The following SCARB1 variants were observed in gnomAD, a reference collection of about 807,000 sequenced individuals.
The protein encoded by SCARB1 is scavenger receptor class B member 1.
In SCARB1, 30 loss-of-function variants were observed where a neutral mutation model predicts 57.2. The observed-to-expected ratio is 0.52, with a 90% confidence interval of 0.39 to 0.71. SCARB1 has a LOEUF of 0.71. SCARB1 is among the 30% of genes least tolerant of loss of function. The probability of loss-of-function intolerance (pLI) is 0.00; values close to 1 mark genes in which losing one functional copy is unlikely to be tolerated. For synonymous variants in SCARB1, 249 were observed against 268.3 expected (o/e 0.93, Z 0.70); for missense variants, 543 against 671.2 (o/e 0.81, Z 2.11).
chr12:124,793,726 G>T (rs547762979), intron 9 of SCARB1, among the ~76,000 whole-genome samples: 3 of 151,852 alleles, frequency 2.0e-5, no homozygotes, highest in Non-Finnish European at 4.4e-5. Flanking sequence ...AATGGGGATG[G>T]GGGGCAGAGG....
intron 12 of SCARB1, among the ~76,000 whole-genome samples, chr12:124,782,146 T>A (rs1342446290): frequency 6.6e-6 from 1 of 152,182 alleles, no homozygotes; most frequent in Non-Finnish European, 1.5e-5. Context: ...TGACCTCAAA[T>A]GATCCACCTG....
chr12:124,840,480 G>A (rs1951865877), intron 1 of SCARB1, among the ~76,000 whole-genome samples: 2 of 152,262 alleles, frequency 1.3e-5, no homozygotes, highest in East Asian at 3.9e-4. Flanking sequence ...CTGGCTGCCT[G>A]CATGTCTTCT....
At position 124,814,207 on chromosome 12, in the gene SCARB1, C is replaced by T; in HGVS notation, c.625G>A (p.Ala209Thr). ...FPFKDKFGLF[A>T]ELNNSDSGLF... The stretch of plus-strand genomic sequence containing the variant: ...TCTCACCAGGCCACACGTACCTCAG[C>T]AAATAATCCGAACTTGTCCTTGAAG... Residue 209 changes from alanine to threonine, a missense_variant, in exon 4 of 13, where the codon GCT (alanine) becomes ACT (threonine). By Grantham distance (58) the Ala-to-Thr change is moderately conservative (BLOSUM62 0). Coordinates refer to ENST00000261693, the MANE Select transcript of SCARB1 (RefSeq NM_005505.5). The surrounding 1 kb of genome is among the most constrained non-coding windows in gnomAD (Gnocchi z 4.7). 6.2e-7 allele frequency: 1 copy of T among 1,614,186 alleles called. No homozygotes were observed.
chr12:124,794,575 G>A (rs994603612), intron 9 of SCARB1, among the ~76,000 whole-genome samples: 8 of 151,990 alleles, frequency 5.3e-5, no homozygotes, highest in Admixed American at 2.0e-4. Flanking sequence ...CCACTCTGTC[G>A]TGTAGGAAAC....
chr12:124,801,510 C>T (rs759031661), intron 7 of SCARB1, among the ~76,000 whole-genome samples: 3 of 152,188 alleles, frequency 2.0e-5, no homozygotes, highest in Non-Finnish European at 4.4e-5. Context: ...AGGCCAGGCA[C>T]GGTGGCTCAT....
In SCARB1 at chr12:124,800,729, TG is replaced by T. The variant is rs1282180253; in HGVS notation, c.1010-488del. On this transcript the variant is annotated intron_variant, in intron 7 of 12. Coordinates refer to ENST00000261693, the MANE Select transcript of SCARB1 (RefSeq NM_005505.5). This position sits in a 1 kb window ranked among gnomAD's most constrained non-coding sequence, Gnocchi z 4.8. ...CGCAGCAATGATCGGAGCTCAGGTG[TG>T]TGCACCTGTGGCCAGATCTCCCTGC... Among the ~76,000 whole-genome samples the T allele has an allele frequency of 6.6e-6, 1 of 152,168 alleles. No homozygotes were observed. The highest frequency in any genetic ancestry group is 1.5e-5 in the Non-Finnish European group (1 of 68,014).
At chr12:124,806,406 C>T (rs777501149) in intron 7 of SCARB1, among the ~76,000 whole-genome samples, 3 of 152,094 alleles carry the variant, frequency 2.0e-5, no homozygotes, top group Non-Finnish European at 4.4e-5. Context: ...GTCAGGGGAC[C>T]GACGCCAACA....
intron 4 of SCARB1, among the ~76,000 whole-genome samples, chr12:124,813,450 A>G (rs768570848): frequency 7.9e-5 from 12 of 152,242 alleles, no homozygotes; most frequent in Non-Finnish European, 1.6e-4. Context: ...TGAAGCCACC[A>G]CACCAACACT....
chr12:124,841,481 CAAAA>C (rs1158202606), intron 1 of SCARB1, among the ~76,000 whole-genome samples: 1 of 107,834 alleles, frequency 9.3e-6, no homozygotes. Flanking sequence ...GACTCTGTCT[CAAAA>C]AAAAAAAAAA....
Position 124,777,830 on chromosome 12 carries a change from G to C in SCARB1, c.*757C>G, listed in dbSNP as rs1319852660. 3 of 152,492 alleles carry C rather than the reference G, an allele frequency of 2.0e-5. No homozygotes were observed. Among genetic ancestry groups the C allele is most frequent in the Non-Finnish European group, 4.4e-5 (3 of 68,250 alleles). The allele number at this position is 152,492 out of a possible 1,614,324, so 9.4% of individuals were successfully genotyped here. A position where few individuals can be genotyped will look rare whatever the true frequency, so the allele number is the denominator to read the frequency against. On this transcript the variant is annotated 3_prime_UTR_variant, in exon 13 of 13. Coordinates refer to ENST00000261693, the MANE Select transcript of SCARB1 (RefSeq NM_005505.5). ...TGTGAGGGGGTGGGGGCAGCTCGGGGGCACAGCCTGCGGCCACTTCGGCCA... is the reference window on the plus strand; with the variant it reads ...TGTGAGGGGGTGGGGGCAGCTCGGGCGCACAGCCTGCGGCCACTTCGGCCA...
chr12:124,810,360 C>T lies in SCARB1; in HGVS notation c.727-71G>A. 1.9e-6 allele frequency: 2 copies of T among 1,057,766 alleles called. No individual in the cohort carries two copies. The highest frequency in any genetic ancestry group is 3.0e-6 in the Non-Finnish European group (2 of 676,666). The allele number at this position is 1,057,766 out of a possible 1,614,324, so 65.5% of individuals were successfully genotyped here. On this transcript the variant is annotated intron_variant, in intron 5 of 12. Coordinates refer to ENST00000261693, the MANE Select transcript of SCARB1 (RefSeq NM_005505.5). This position sits in a 1 kb window ranked among gnomAD's most constrained non-coding sequence, Gnocchi z 4.0. ...CCTTAATAAGCCCTCTCAGGTGCTG[C>T]ACACCTAACTCACCCTGGTGCACGC...
At chr12:124,828,506 G>T (rs936516060) in intron 1 of SCARB1, among the ~76,000 whole-genome samples, 1 of 152,206 alleles carries the variant, frequency 6.6e-6, no homozygotes, top group Non-Finnish European at 1.5e-5. Flanking sequence ...TCAGACACCA[G>T]GGGAGCAGAA....
At chr12:124,833,698 C>A (rs1951514217) in intron 1 of SCARB1, among the ~76,000 whole-genome samples, 1 of 152,200 alleles carries the variant, frequency 6.6e-6, no homozygotes, top group African/African-American at 2.4e-5. Context: ...GCCCCGTGCA[C>A]CCCTTCCTCT....
At chr12:124,813,662 G>A (rs913135348) in intron 4 of SCARB1, among the ~76,000 whole-genome samples, 4 of 152,098 alleles carry the variant, frequency 2.6e-5, no homozygotes, top group East Asian at 3.8e-4. Context: ...TGACAAAAAC[G>A]TACTGAGTAT....
At chr12:124,809,140 A>G (rs10846737) in intron 6 of SCARB1, among the ~76,000 whole-genome samples, 63,438 of 151,822 alleles carry the variant, frequency 0.42, 13,990 homozygotes, top group Non-Finnish European at 0.5. Flanking sequence ...AAGGGGGCAT[A>G]CAGCCTCCAA....
chr12:124,830,673 G>T (rs747462844), intron 1 of SCARB1, among the ~76,000 whole-genome samples: 6 of 152,034 alleles, frequency 3.9e-5, no homozygotes, highest in Non-Finnish European at 5.9e-5. Flanking sequence ...GGGGTGCGGG[G>T]GAGGCGTTTA....
chr12:124,779,472 A>G (rs701105), intron 12 of SCARB1, among the ~76,000 whole-genome samples: 144,472 of 152,156 alleles, frequency 0.95, 68,634 homozygotes, highest in East Asian at 1. Flanking sequence ...TGCGGGGCGC[A>G]GGACGTGGGG....
intron 7 of SCARB1, among the ~76,000 whole-genome samples, chr12:124,806,476 A>G (rs910474091): frequency 1.3e-5 from 2 of 152,172 alleles, no homozygotes; most frequent in African/African-American, 4.8e-5. Context: ...TACGTAACAC[A>G]CAGACCCTCG....
intron 1 of SCARB1, among the ~76,000 whole-genome samples, chr12:124,825,231 A>G (rs1344265790): frequency 1.3e-5 from 2 of 149,590 alleles, no homozygotes; most frequent in Non-Finnish European, 3.0e-5. Context: ...TCTCAAAAAA[A>G]AAAAAAAAAA....
Sources: gnomAD v4.1 joint callset for allele counts (sites outside exome capture counted in the v4.1 genomes callset) on GRCh38, gnomAD v4.1.1 for gene constraint, Gnocchi (gnomAD v3.1) non-coding constraint, MANE v1.5 for transcripts, NCBI Gene and HGNC (gene_info 2026-07-23, HGNC 2026-07-21) for gene names.